Variants in CIMIP6 observed in about 807,000 individuals in gnomAD.
The protein encoded by CIMIP6 is uncharacterized protein C2orf73.
At chr2:54,346,181 A>G in the CIMIP6 span, among the ~76,000 whole-genome samples, 9 of 152,318 alleles carry the variant, frequency 5.9e-5, no homozygotes, top group African/African-American at 1.9e-4. Flanking sequence ...GGCTCAATCT[A>G]TAGACACGAG....
At chr2:54,344,463 G>C in the CIMIP6 span, among the ~76,000 whole-genome samples, 1 of 152,160 alleles carries the variant, frequency 6.6e-6, no homozygotes, top group African/African-American at 2.4e-5. Flanking sequence ...TCTAGAAGGA[G>C]ATGCAGCAAA....
At chr2:54,339,042 G>C in the CIMIP6 span, among the ~76,000 whole-genome samples, 23 of 72,290 alleles carry the variant, frequency 3.2e-4, 9 homozygotes, top group African/African-American at 1.1e-3. Flanking sequence ...TGTAGTCCTA[G>C]CTATTTGGGA....
the CIMIP6 span, among the ~76,000 whole-genome samples, chr2:54,346,603 G>C: frequency 7.4e-4 from 112 of 152,256 alleles, no homozygotes; most frequent in African/African-American, 2.6e-3. Context: ...AGGTGTTCAA[G>C]TTTTGATAAG....
chr2:54,333,421 G>A, the CIMIP6 span, among the ~76,000 whole-genome samples: 2 of 152,148 alleles, frequency 1.3e-5, no homozygotes, highest in Non-Finnish European at 2.9e-5. Flanking sequence ...TGCAGGTGCC[G>A]TGAGGGAAAA....
At chr2:54,363,270 T>A in the CIMIP6 span, among the ~76,000 whole-genome samples, 1 of 152,140 alleles carries the variant, frequency 6.6e-6, no homozygotes, top group Non-Finnish European at 1.5e-5. Flanking sequence ...TTGGGACAAG[T>A]TTGGGATGTA....
At chr2:54,332,911 G>C in the CIMIP6 span, among the ~76,000 whole-genome samples, 1 of 152,180 alleles carries the variant, frequency 6.6e-6, no homozygotes, top group African/African-American at 2.4e-5. Context: ...CACTTTACCA[G>C]TAATCAGTTT....
chr2:54,358,888 T>A, the CIMIP6 span: 120 of 675,780 alleles, frequency 1.8e-4, no homozygotes, highest in Non-Finnish European at 3.7e-5. Context: ...TATTTTATAT[T>A]ATTAATACTG....
the CIMIP6 span, among the ~76,000 whole-genome samples, chr2:54,368,557 C>A: frequency 6.6e-6 from 1 of 152,174 alleles, no homozygotes; most frequent in Non-Finnish European, 1.5e-5. Context: ...CTTGGAATGT[C>A]CTGCGTGAGA....
chr2:54,335,098 G>T, the CIMIP6 span: 2 of 1,169,234 alleles, frequency 1.7e-6, no homozygotes, highest in Non-Finnish European at 2.4e-6. Context: ...TTTGGTCACA[G>T]ACTATAAAGG....
At chr2:54,341,827 C>T in the CIMIP6 span, among the ~76,000 whole-genome samples, 1 of 152,124 alleles carries the variant, frequency 6.6e-6, no homozygotes. Flanking sequence ...GTAATAAGCA[C>T]TATTATAATT....
chr2:54,336,278 C>T, the CIMIP6 span, among the ~76,000 whole-genome samples: 1 of 152,186 alleles, frequency 6.6e-6, no homozygotes, highest in African/African-American at 2.4e-5. Flanking sequence ...CCTTCCTCTA[C>T]TCCAACAGCT....
chr2:54,381,931 A>G, the CIMIP6 span: 1 of 1,550,150 alleles, frequency 6.5e-7, no homozygotes, highest in African/African-American at 1.4e-5. Context: ...GATCACGGGC[A>G]TGTTTTTTTA....
At chr2:54,330,955 T>A in the CIMIP6 span, 2 of 1,612,748 alleles carry the variant, frequency 1.2e-6, no homozygotes, top group African/African-American at 2.7e-5. Flanking sequence ...GGCTCCTCGC[T>A]GCCTGGTGCC....
At chr2:54,370,136 T>C in the CIMIP6 span, among the ~76,000 whole-genome samples, 3 of 151,938 alleles carry the variant, frequency 2.0e-5, no homozygotes, top group African/African-American at 7.3e-5. Context: ...GTGCTTGTAA[T>C]CTCGGCTTCT....
At chr2:54,355,296 T>G in the CIMIP6 span, among the ~76,000 whole-genome samples, 1 of 152,178 alleles carries the variant, frequency 6.6e-6, no homozygotes, top group Non-Finnish European at 1.5e-5. Context: ...CTATTAAATG[T>G]CTTAGATGCG....
chr2:54,365,007 G>A, the CIMIP6 span, among the ~76,000 whole-genome samples: 1 of 152,244 alleles, frequency 6.6e-6, no homozygotes, highest in Non-Finnish European at 1.5e-5. Context: ...GGATGAACTT[G>A]TGGGCTGAGA....
At chr2:54,335,054 G>A in the CIMIP6 span, 1 of 1,518,524 alleles carries the variant, frequency 6.6e-7, no homozygotes, top group Admixed American at 2.0e-5. Flanking sequence ...TATACAAATA[G>A]AGATTTAGAT....
At chr2:54,344,824 C>G in the CIMIP6 span, among the ~76,000 whole-genome samples, 3 of 151,976 alleles carry the variant, frequency 2.0e-5, no homozygotes, top group East Asian at 5.8e-4. Flanking sequence ...AACAACAAAA[C>G]AAAAGCTTGG....
chr2:54,369,783 TA>T, the CIMIP6 span, among the ~76,000 whole-genome samples: 1 of 152,184 alleles, frequency 6.6e-6, no homozygotes, highest in African/African-American at 2.4e-5. Context: ...CCAAAGTTGC[TA>T]GAGTTATTAA....
Sources: gnomAD v4.1 joint callset for allele counts (sites outside exome capture counted in the v4.1 genomes callset) on GRCh38, gnomAD v4.1.1 for gene constraint, MANE v1.5 for transcripts, NCBI Gene and HGNC (gene_info 2026-07-23, HGNC 2026-07-21) for gene names.